The following ZBTB16 variants were observed in gnomAD, a reference collection of about 807,000 sequenced individuals.
ZBTB16 encodes the protein zinc finger and BTB domain-containing protein 16.
Under a neutral mutation model 56.8 loss-of-function variants are expected in ZBTB16, and 8 were observed. The ratio of observed to expected loss-of-function variants is 0.14; its 90% CI spans 0.08 to 0.25. The LOEUF (loss-of-function observed/expected upper bound fraction) is 0.25, where lower values mean the gene tolerates loss of function less well. Ranked by LOEUF, ZBTB16 falls within the 10% of genes least tolerant of loss-of-function variation. The pLI is 1.00. For missense variants in ZBTB16, 625 were observed against 903.0 expected, an observed-to-expected ratio of 0.69 and a Z score of 3.95; for synonymous variants, 363 against 368.5, an observed-to-expected ratio of 0.98 and a Z score of 0.17.
chr11:114,247,815 A>C (rs1944845247), intron 6 of ZBTB16, among the ~76,000 whole-genome samples: 1 of 152,108 alleles, frequency 6.6e-6, no homozygotes, highest in South Asian at 2.1e-4. Flanking sequence ...GTAAAGTTAG[A>C]TTGTGTTTGG....
In ZBTB16 at chr11:114,060,467, C is replaced by G. The variant is rs1030074583; in HGVS notation, c.-91+585C>G. On this transcript the variant is annotated intron_variant, in intron 1 of 6. Transcript: ENST00000335953. This position sits in a 1 kb window ranked among gnomAD's most constrained non-coding sequence, Gnocchi z 6.0. ...TCTTGATTGGACTTGATCCCCACCC[C>G]CCTTTTGCAGGGGAGGGAGGGAAGC... 6 of 152,038 alleles carry G rather than the reference C, an allele frequency of 3.9e-5. No individual in the cohort carries two copies. Among genetic ancestry groups the G allele is most frequent in the African/African-American group, 1.2e-4 (5 of 41,402 alleles). The allele number at this position is 152,038 out of a possible 1,614,324, so 9.4% of individuals were successfully genotyped here.
chr11:114,248,292 A>G (rs1267101700), intron 6 of ZBTB16, among the ~76,000 whole-genome samples: 2 of 152,220 alleles, frequency 1.3e-5, no homozygotes, highest in East Asian at 3.8e-4. Flanking sequence ...CAGTTTCCCA[A>G]GTTGGGGGCA....
intron 2 of ZBTB16, among the ~76,000 whole-genome samples, chr11:114,120,734 T>C (rs1423356475): frequency 6.6e-6 from 1 of 152,282 alleles, no homozygotes; most frequent in East Asian, 1.9e-4. Flanking sequence ...AGTGTCACAT[T>C]AGGGCCCATC....
chr11:114,167,731 C>A (rs1024756146), intron 3 of ZBTB16, among the ~76,000 whole-genome samples: 40 of 152,080 alleles, frequency 2.6e-4, no homozygotes, highest in African/African-American at 6.8e-4. Context: ...TTTATCATCC[C>A]GGCAACAGCT....
In ZBTB16 at chr11:114,066,864, G is replaced by A. The variant is rs562251104; in HGVS notation, c.1268+2296G>A. Among the ~76,000 whole-genome samples the A allele has an allele frequency of 1.3e-4, 19 of 143,760 alleles. 2 individuals are homozygous for A. The South Asian group carries it at 4.2e-3, about 32-fold the overall frequency. The allele number at this position is 143,760 out of a possible 152,430, so 94.3% of individuals were successfully genotyped here. ...CAGCTCACTGCAGTCTCCACCTCCC[G>A]GGTTCAAGCGATTCTCCTGCCTCAG... is the stretch of plus-strand genomic sequence containing the variant. On this transcript the variant is annotated intron_variant, in intron 2 of 6. Transcript: ENST00000335953.
intron 3 of ZBTB16, among the ~76,000 whole-genome samples, chr11:114,158,965 G>T (rs1281729466): frequency 2.0e-5 from 3 of 152,262 alleles, no homozygotes; most frequent in Non-Finnish European, 4.4e-5. Context: ...GGAGGGGACA[G>T]CCAGGAGCCC....
chr11:114,212,834 C>T (rs776975905), intron 4 of ZBTB16, among the ~76,000 whole-genome samples: 2 of 152,080 alleles, frequency 1.3e-5, no homozygotes, highest in African/African-American at 4.8e-5. Flanking sequence ...GCAGGCAGTC[C>T]GTGCTCACGT....
At chr11:114,104,760 A>C (rs1591669881) in intron 2 of ZBTB16, among the ~76,000 whole-genome samples, 1 of 152,290 alleles carries the variant, frequency 6.6e-6, no homozygotes, top group South Asian at 2.1e-4. Flanking sequence ...TCCATGTTCC[A>C]CTGGAAAACC....
chr11:114,075,155 G>A (rs549784878), intron 2 of ZBTB16, among the ~76,000 whole-genome samples: 22 of 152,160 alleles, frequency 1.4e-4, no homozygotes, highest in South Asian at 8.3e-4. Context: ...AATTTCCTGC[G>A]ATTGTTGGCT....
chr11:114,095,245 C>CTTTTTTT (rs745895999), intron 2 of ZBTB16, among the ~76,000 whole-genome samples: 7 of 90,480 alleles, frequency 7.7e-5, no homozygotes, highest in African/African-American at 2.5e-4. Flanking sequence ...CTTTTCTTTT[C>CTTTTTTT]TTTTTTTTTT....
intron 2 of ZBTB16, among the ~76,000 whole-genome samples, chr11:114,097,405 G>C (rs1467961753): frequency 6.6e-6 from 1 of 152,124 alleles, no homozygotes; most frequent in Admixed American, 6.5e-5. Context: ...ACAACATCAG[G>C]AGTGTACTAA....
chr11:114,148,461 C>CTTTT (rs1481867050), intron 2 of ZBTB16, among the ~76,000 whole-genome samples: 1 of 47,128 alleles, frequency 2.1e-5, no homozygotes. Context: ...CTGTCTGTCT[C>CTTTT]TCTCTCTCTC....
At chr11:114,072,591 C>T (rs1939389025) in intron 2 of ZBTB16, among the ~76,000 whole-genome samples, 2 of 152,286 alleles carry the variant, frequency 1.3e-5, no homozygotes, top group African/African-American at 4.8e-5. Flanking sequence ...AAAATGTGGA[C>T]TCAGCAGACA....
At chr11:114,170,343 G>T (rs1475743416) in intron 3 of ZBTB16, among the ~76,000 whole-genome samples, 1 of 152,164 alleles carries the variant, frequency 6.6e-6, no homozygotes, top group Admixed American at 6.5e-5. Context: ...TCCGAGGACG[G>T]TCTCAGGACG....
intron 2 of ZBTB16, among the ~76,000 whole-genome samples, chr11:114,103,247 A>G (rs1188006591): frequency 6.6e-6 from 1 of 152,108 alleles, no homozygotes; most frequent in Non-Finnish European, 1.5e-5. Flanking sequence ...CAGGGAGGGA[A>G]TTAAGATAGA....
chr11:114,210,138 A>T (rs1014064056), intron 4 of ZBTB16, among the ~76,000 whole-genome samples: 1 of 150,072 alleles, frequency 6.7e-6, no homozygotes, highest in Non-Finnish European at 1.5e-5. Flanking sequence ...TTGATCATTA[A>T]TGTTTTCTCT....
In ZBTB16 at chr11:114,060,498, A is replaced by G. The variant is rs1938783126; in HGVS notation, c.-91+616A>G. ...TGCAGGGGAGGGAGGGAAGCTCCAGAGGGTCTGCAGCGCTGCGGGCCCTCC... is the reference window on the plus strand; with the variant it reads ...TGCAGGGGAGGGAGGGAAGCTCCAGGGGGTCTGCAGCGCTGCGGGCCCTCC... On this transcript the variant is annotated intron_variant, in intron 1 of 6. Coordinates refer to ENST00000335953, the MANE Select transcript of ZBTB16 (RefSeq NM_006006.6). This position sits in a 1 kb window ranked among gnomAD's most constrained non-coding sequence, Gnocchi z 6.0. 6.6e-6 allele frequency: 1 copy of G among 151,460 alleles called. No individual in the cohort carries two copies. Among genetic ancestry groups the G allele is most frequent in the South Asian group, 2.1e-4 (1 of 4,806 alleles). 9.4% of individuals were successfully genotyped at this position (151,460 alleles called of 1,614,324 possible).
Position 114,107,666 on chromosome 11 carries a change from C to T in ZBTB16, c.1268+43098C>T, listed in dbSNP as rs550016165. Among the ~76,000 whole-genome samples the T allele has an allele frequency of 3.3e-5, 5 of 152,240 alleles. No homozygotes were observed. The East Asian group carries it at 7.7e-4, about 24-fold the overall frequency. On this transcript the variant is annotated intron_variant, in intron 2 of 6. Transcript: ENST00000335953. ...GGTGGGTGCGCAACATTGACTTTTT[C>T]TCAATGTGTGATGTGGAGATATATG...
intron 2 of ZBTB16, among the ~76,000 whole-genome samples, chr11:114,151,849 G>T (rs1417565035): frequency 6.6e-6 from 1 of 152,216 alleles, no homozygotes; most frequent in Admixed American, 6.5e-5. Context: ...GCCCCCTTGG[G>T]GCTCAGCTGT....
Sources: gnomAD v4.1 joint callset for allele counts (sites outside exome capture counted in the v4.1 genomes callset) on GRCh38, gnomAD v4.1.1 for gene constraint, Gnocchi (gnomAD v3.1) non-coding constraint, MANE v1.5 for transcripts, NCBI Gene and HGNC (gene_info 2026-07-23, HGNC 2026-07-21) for gene names.